The following AK9 variants were observed in gnomAD, a reference collection of about 807,000 sequenced individuals.
AK9 encodes adenylate kinase domain containing 1.
AK9 carries 191 observed loss-of-function variants against 239.6 expected under a neutral mutation model. That is an observed-to-expected ratio of 0.80 (90% CI 0.71 to 0.90). The LOEUF is 0.90. AK9 is among the 40% of genes least tolerant of loss of function. The probability of loss-of-function intolerance (pLI) is 0.00; values close to 1 mark genes in which losing one functional copy is unlikely to be tolerated. For missense variants in AK9, 1,995 were observed against 2,214.7 expected (o/e 0.90, Z 1.99); for synonymous variants, 689 against 721.0 (o/e 0.96, Z 0.71).
chr6:109,562,223 T>C (rs1785865770), intron 24 of AK9, among the ~76,000 whole-genome samples: 1 of 152,214 alleles, frequency 6.6e-6, no homozygotes, highest in African/African-American at 2.4e-5. Flanking sequence ...TTTCAGAATC[T>C]TTTTCCTCTG....
intron 1 of AK9, among the ~76,000 whole-genome samples, chr6:109,685,608 T>C (rs1195129721): frequency 6.6e-6 from 1 of 151,910 alleles, no homozygotes; most frequent in Admixed American, 6.6e-5. Flanking sequence ...GGGATAACAC[T>C]AGGAGAAATA....
intron 1 of AK9, among the ~76,000 whole-genome samples, chr6:109,679,536 A>G (rs1772314647): frequency 6.6e-6 from 1 of 152,088 alleles, no homozygotes; most frequent in Admixed American, 6.5e-5. Context: ...GCTTCAGCAG[A>G]CTTAAACATC....
chr6:109,620,609 T>G (rs1206973247), intron 12 of AK9, among the ~76,000 whole-genome samples: 1 of 152,042 alleles, frequency 6.6e-6, no homozygotes, highest in Non-Finnish European at 1.5e-5. Context: ...ATATTCCCAT[T>G]CTGCTTTTCT....
chr6:109,592,604 G>A (rs905305751), intron 17 of AK9, among the ~76,000 whole-genome samples: 3 of 151,706 alleles, frequency 2.0e-5, no homozygotes, highest in African/African-American at 4.8e-5. Context: ...CTGCCACCTC[G>A]CCCGGCTAAT....
intron 7 of AK9, 74 bp from the exon 8 acceptor site, chr6:109,656,958 C>T (rs1799776552): frequency 2.0e-6 from 3 of 1,523,530 alleles, no homozygotes; most frequent in African/African-American, 1.4e-5. Context: ...ATTCCCCACT[C>T]CTTACACCTA....
chr6:109,675,345 T>C (rs189171099), intron 2 of AK9, among the ~76,000 whole-genome samples: 28 of 152,326 alleles, frequency 1.8e-4, no homozygotes, highest in African/African-American at 6.3e-4. Flanking sequence ...GCGGTATATA[T>C]GTACCACATC....
chr6:109,538,596 C>G (rs1217399217), intron 27 of AK9, among the ~76,000 whole-genome samples: 2 of 151,852 alleles, frequency 1.3e-5, no homozygotes, highest in African/African-American at 2.4e-5. Flanking sequence ...GAGCATTTAG[C>G]CCATTTACAT....
intron 8 of AK9, among the ~76,000 whole-genome samples, chr6:109,647,449 A>G (rs9487182): frequency 0.21 from 31,545 of 152,114 alleles, 3,450 homozygotes; most frequent in South Asian, 0.34. Flanking sequence ...CTAGTCTCTG[A>G]TAAAACAGAC....
intron 39 of AK9, 38 bp from the exon 40 acceptor site, chr6:109,494,133 G>C: frequency 6.6e-7 from 1 of 1,504,480 alleles, no homozygotes; most frequent in Non-Finnish European, 9.2e-7. Context: ...GTGTATACTT[G>C]AGTTTGGTTT....
In AK9 at chr6:109,619,076, TA is replaced by T. The variant is rs1794521312; in HGVS notation, c.1399+15del. ...TTACCTAAACTTAAAACACACATTT[TA>T]AAAAGATGTTTCACCTTGTTTTCTA... On this transcript the variant is annotated intron_variant, in intron 13 of 40. Transcript: ENST00000424296. The T allele has an allele frequency of 6.5e-7, 1 of 1,528,654 alleles. No homozygotes were observed. The allele number at this position is 1,528,654 out of a possible 1,614,324, so 94.7% of individuals were successfully genotyped here.
chr6:109,655,249 C>A (rs1185708108), intron 8 of AK9, among the ~76,000 whole-genome samples: 2 of 152,142 alleles, frequency 1.3e-5, no homozygotes, highest in Non-Finnish European at 2.9e-5. Flanking sequence ...AAATTTTCAT[C>A]ATGGAAATGA....
At chr6:109,608,351 G>A (rs1341171120) in intron 17 of AK9, among the ~76,000 whole-genome samples, 2 of 151,406 alleles carry the variant, frequency 1.3e-5, no homozygotes, top group Non-Finnish European at 1.5e-5. Context: ...CAGACTAATG[G>A]AACAGAACGA....
Position 109,644,669 on chromosome 6 carries a change from T to C in AK9, c.779A>G (p.Asn260Ser), listed in dbSNP as rs769812895. Residue 260 changes from asparagine (N) to serine (S), a missense_variant, in exon 9 of 41, where the codon AAT becomes AGT. Physicochemically the swap from Asn to Ser is conservative, Grantham distance 46. This residue lies in a region of AK9 where 1,290 missense variants were observed against 1,392.7 expected (regional missense o/e 0.93). Transcript: ENST00000424296. Reference protein sequence around the residue: ...QTLEEVMAEHNPQYLIELNGN... With the variant: ...QTLEEVMAEHSPQYLIELNGN... ...ATTTAGCTCAATGAGATACTGGGGA[T>C]TGTGTTCAGCCATTACTTCCTGCAG... is the stretch of plus-strand genomic sequence containing the variant. 1 of 1,612,760 alleles carries C rather than the reference T, an allele frequency of 6.2e-7. No homozygotes were observed. Among genetic ancestry groups the C allele is most frequent in the East Asian group, 2.2e-5 (1 of 44,804 alleles).
chr6:109,614,983 A>G (rs1583264292), intron 13 of AK9, among the ~76,000 whole-genome samples: 1 of 152,338 alleles, frequency 6.6e-6, no homozygotes, highest in East Asian at 1.9e-4. Context: ...AGCATATGAG[A>G]GATAGCATCT....
At chr6:109,621,113 T>C (rs898434116) in intron 12 of AK9, among the ~76,000 whole-genome samples, 1 of 146,766 alleles carries the variant, frequency 6.8e-6, no homozygotes, top group African/African-American at 2.5e-5. Flanking sequence ...AAAGAAGACA[T>C]TTATGCAGCC....
intron 16 of AK9, 30 bp from the exon 17 acceptor site, chr6:109,610,543 C>T (rs1793454254): frequency 1.3e-6 from 2 of 1,537,070 alleles, no homozygotes; most frequent in Non-Finnish European, 1.8e-6. Flanking sequence ...TAAATTAATG[C>T]CATTAATAAT....
At chr6:109,531,839 C>T (rs2128133824) in intron 28 of AK9, among the ~76,000 whole-genome samples, 1 of 152,278 alleles carries the variant, frequency 6.6e-6, no homozygotes, top group East Asian at 1.9e-4. Context: ...CGTATCTTCC[C>T]ACGTCTCCCT....
At chr6:109,648,612 CA>C (rs957962829) in intron 8 of AK9, among the ~76,000 whole-genome samples, 7 of 152,120 alleles carry the variant, frequency 4.6e-5, no homozygotes, top group African/African-American at 1.7e-4. Context: ...GCTTACCAAA[CA>C]AAAAGAGTCC....
At chr6:109,550,559 C>A (rs1203828371) in intron 24 of AK9, 8 of 284,410 alleles carry the variant, frequency 2.8e-5, no homozygotes, top group Non-Finnish European at 5.1e-5. Context: ...CAGTCCTCTA[C>A]CAACAGAGAT....
Sources: allele counts gnomAD v4.1 joint callset (sites outside exome capture counted in the v4.1 genomes callset), GRCh38; gene constraint gnomAD v4.1.1; regional missense constraint gnomAD v4.1.1; transcripts MANE v1.5; gene names NCBI Gene and HGNC (gene_info 2026-07-23, HGNC 2026-07-21).